CSMD1: variants seen among roughly 807,000 people sequenced by gnomAD.
The protein encoded by CSMD1 is CUB and Sushi multiple domains 1, also known as CUB and sushi domain-containing protein 1.
CSMD1 carries 213 observed loss-of-function variants against 417.5 expected under a neutral mutation model. The ratio of observed to expected loss-of-function variants is 0.51; its 90% CI spans 0.46 to 0.57. CSMD1 has a LOEUF of 0.57. Among genes scored for constraint, CSMD1 ranks in the 20% least tolerant of loss-of-function variants. The probability of loss-of-function intolerance (pLI) is 0.00; values close to 1 mark genes in which losing one functional copy is unlikely to be tolerated. For synonymous variants in CSMD1, 2,862 were observed against 1,736.8 expected, an observed-to-expected ratio of 1.65 and a Z score of -16.11; for missense variants, 6,923 against 4,529.7, an observed-to-expected ratio of 1.53 and a Z score of -15.17.
intron 5 of CSMD1, among the ~76,000 whole-genome samples, chr8:3,809,698 G>C (rs192075305): frequency 2.6e-5 from 4 of 152,242 alleles, no homozygotes; most frequent in Admixed American, 6.5e-5. Flanking sequence ...CACACTTCCA[G>C]AGACACTGCC....
chr8:4,751,347 C>A (rs1241096848), intron 1 of CSMD1, among the ~76,000 whole-genome samples: 1 of 151,600 alleles, frequency 6.6e-6, no homozygotes, highest in African/African-American at 2.4e-5. Flanking sequence ...GCCGAGATAG[C>A]GCCACTGCAC....
At chr8:4,843,129 AC>A (rs1320311341) in intron 1 of CSMD1, among the ~76,000 whole-genome samples, 1 of 152,202 alleles carries the variant, frequency 6.6e-6, no homozygotes, top group Non-Finnish European at 1.5e-5. Flanking sequence ...GAGGAAATGA[AC>A]AAACATGCCC....
intron 3 of CSMD1, among the ~76,000 whole-genome samples, chr8:4,406,524 C>G (rs947734122): frequency 6.6e-6 from 1 of 152,168 alleles, no homozygotes; most frequent in African/African-American, 2.4e-5. Context: ...TATTACTTTT[C>G]ATTCTAAGAA....
At chr8:3,299,431 G>T (rs1276380369) in intron 25 of CSMD1, among the ~76,000 whole-genome samples, 1 of 152,046 alleles carries the variant, frequency 6.6e-6, no homozygotes, top group South Asian at 2.1e-4. Context: ...CAGCCTGGGG[G>T]ACAAGAGCAA....
intron 3 of CSMD1, among the ~76,000 whole-genome samples, chr8:4,289,302 T>C (rs542901613): frequency 1.8e-4 from 28 of 152,376 alleles, no homozygotes; most frequent in African/African-American, 6.5e-4. Context: ...TCACCCATTA[T>C]ATATGAGATT....
chr8:4,859,612 C>A (rs534069343), intron 1 of CSMD1, among the ~76,000 whole-genome samples: 1 of 152,224 alleles, frequency 6.6e-6, no homozygotes, highest in South Asian at 2.1e-4. Context: ...CATGAACAGA[C>A]ACTTCTCAAA....
intron 35 of CSMD1, among the ~76,000 whole-genome samples, chr8:3,188,320 T>G (rs1796204623): frequency 7.1e-6 from 1 of 140,720 alleles, no homozygotes; most frequent in African/African-American, 2.6e-5. Flanking sequence ...TTTTTTTTTT[T>G]TTTTGAGATG....
intron 41 of CSMD1, among the ~76,000 whole-genome samples, chr8:3,131,563 C>T (rs1350665175): frequency 6.6e-6 from 1 of 151,524 alleles, no homozygotes; most frequent in Non-Finnish European, 1.5e-5. Flanking sequence ...CATCCATCTC[C>T]TGGGTTCAAG....
chr8:4,762,820 C>T (rs1225366469), intron 1 of CSMD1, among the ~76,000 whole-genome samples: 1 of 152,188 alleles, frequency 6.6e-6, no homozygotes. Context: ...ACACCATTTA[C>T]TAACGCGAAG....
chr8:3,604,475 A>G (rs1801510074), intron 8 of CSMD1, among the ~76,000 whole-genome samples: 1 of 152,164 alleles, frequency 6.6e-6, no homozygotes, highest in Admixed American at 6.6e-5. Context: ...AAAACACGAG[A>G]AGGATCATAG....
intron 1 of CSMD1, among the ~76,000 whole-genome samples, chr8:4,687,724 T>C (rs2116745480): frequency 6.6e-6 from 1 of 152,286 alleles, no homozygotes; most frequent in African/African-American, 2.4e-5. Flanking sequence ...ACCTCCCCTT[T>C]CCACACTAGG....
intron 5 of CSMD1, among the ~76,000 whole-genome samples, chr8:3,809,322 G>T (rs900090): frequency 6.6e-6 from 1 of 151,980 alleles, no homozygotes; most frequent in African/African-American, 2.4e-5. Context: ...TCTTGTTCAC[G>T]ATTTTTATCG....
intron 10 of CSMD1, among the ~76,000 whole-genome samples, chr8:3,549,711 C>T (rs573503266): frequency 6.6e-6 from 1 of 152,108 alleles, no homozygotes; most frequent in Non-Finnish European, 1.5e-5. Flanking sequence ...TGCCTTGGGC[C>T]TCTACAGAAA....
At chr8:3,595,207 C>G (rs1801035077) in intron 8 of CSMD1, among the ~76,000 whole-genome samples, 1 of 152,108 alleles carries the variant, frequency 6.6e-6, no homozygotes, top group Non-Finnish European at 1.5e-5. Flanking sequence ...TAAGCAAGAC[C>G]AGGAAGGCTG....
chr8:3,622,347 T>C (rs886809754), intron 7 of CSMD1, among the ~76,000 whole-genome samples: 3 of 152,214 alleles, frequency 2.0e-5, no homozygotes, highest in Non-Finnish European at 4.4e-5. Context: ...TCAGAAATAA[T>C]AGACTCTAGC....
chr8:3,489,484 C>G (rs1300110013), intron 11 of CSMD1, among the ~76,000 whole-genome samples: 2 of 152,198 alleles, frequency 1.3e-5, no homozygotes, highest in African/African-American at 4.8e-5. Context: ...AAGGCCATAG[C>G]TCTCCATGCA....
intron 1 of CSMD1, among the ~76,000 whole-genome samples, chr8:4,851,689 T>C (rs1260076528): frequency 1.3e-5 from 2 of 152,136 alleles, no homozygotes; most frequent in Admixed American, 6.5e-5. Context: ...AAGAGTCCCA[T>C]TGTGTGGCAT....
chr8:3,323,959 C>T (rs1806326329), intron 23 of CSMD1, among the ~76,000 whole-genome samples: 1 of 136,922 alleles, frequency 7.3e-6, no homozygotes, highest in Non-Finnish European at 1.5e-5. Flanking sequence ...GGGGGAGTTT[C>T]CTTCACCCCA....
chr8:4,240,424 G>T (rs769067091), intron 3 of CSMD1, among the ~76,000 whole-genome samples: 6 of 152,214 alleles, frequency 3.9e-5, no homozygotes, highest in Admixed American at 6.5e-5. Context: ...GATCCCTGTA[G>T]ACTTCAAGAT....
Sources: allele counts gnomAD v4.1 joint callset (sites outside exome capture counted in the v4.1 genomes callset), GRCh38; gene constraint gnomAD v4.1.1; transcripts MANE v1.5; gene names NCBI Gene and HGNC (gene_info 2026-07-23, HGNC 2026-07-21).